The following PEX1 variants were observed in gnomAD, a reference collection of about 807,000 sequenced individuals.
PEX1 encodes the protein peroxisomal biogenesis factor 1.
PEX1 carries 97 observed loss-of-function variants against 152.5 expected under a neutral mutation model. The observed-to-expected ratio is 0.64, with a 90% CI of 0.54 to 0.75. The LOEUF (loss-of-function observed/expected upper bound fraction) is 0.75, where lower values mean the gene tolerates loss of function less well. PEX1 is among the 30% of genes least tolerant of loss of function. The probability of loss-of-function intolerance (pLI) is 0.00; values close to 1 mark genes in which losing one functional copy is unlikely to be tolerated. For synonymous variants in PEX1, 485 were observed against 531.6 expected (o/e 0.91, Z 1.21); for missense variants, 1,357 against 1,516.3 (o/e 0.89, Z 1.74).
Position 92,504,751 on chromosome 7 carries a change from C to A in PEX1, c.2052G>T (p.Gln684His). The A allele has an allele frequency of 6.2e-7, 1 of 1,614,166 alleles. No individual in the cohort carries two copies. The highest frequency in any genetic ancestry group is 8.5e-7 in the Non-Finnish European group (1 of 1,180,026). The change falls in exon 12 of 24, where the codon CAG becomes CAT. Residue 684 changes from glutamine (Q) to histidine (H), a missense_variant. Physicochemically the swap from Gln to His is conservative, Grantham distance 24. Coordinates refer to ENST00000248633, the MANE Select transcript of PEX1 (RefSeq NM_000466.3). ...ATTTACCATGAGCAAGCCGCTGGCT[C>A]TGCACCGCATCAGGACTGTGCTCAT... is the stretch of plus-strand genomic sequence containing the variant. ...PEHEHSPDAVQSQRLAHALND... is the reference protein window; with the variant it reads ...PEHEHSPDAVHSQRLAHALND...
At position 92,501,919 on chromosome 7, in the gene PEX1, A is replaced by G; in HGVS notation, c.2387T>C (p.Leu796Pro). Residue 796 changes from leucine (L) to proline (P), a missense_variant, in exon 14 of 24, where the codon CTC becomes CCC. Coordinates refer to ENST00000248633, the MANE Select transcript of PEX1 (RefSeq NM_000466.3). The stretch of plus-strand genomic sequence containing the variant: ...TCTGGTGGATATACTCTGACGAGAG[A>G]GTCGAGAATGTATGGCTCGATCCAC... Reference protein sequence around the residue: ...VLVDRAIHSRLSRQSISTREK... With the variant: ...VLVDRAIHSRPSRQSISTREK... 6.2e-7 allele frequency: 1 copy of G among 1,613,990 alleles called. No individual in the cohort carries two copies. The highest frequency in any genetic ancestry group is 8.5e-7 in the Non-Finnish European group (1 of 1,179,892).
Position 92,491,435 on chromosome 7 carries a change from C to T in PEX1, c.3275G>A (p.Gly1092Asp). 6 of 1,613,810 alleles carry T rather than the reference C, an allele frequency of 3.7e-6. No individual in the cohort carries two copies. Among genetic ancestry groups the T allele is most frequent in the Non-Finnish European group, 5.1e-6 (6 of 1,179,780 alleles). Residue 1092 changes from glycine (G) to aspartate (D), a missense_variant, in exon 21 of 24, where the codon GGC (glycine) becomes GAC (aspartate). Coordinates refer to ENST00000248633, the MANE Select transcript of PEX1 (RefSeq NM_000466.3). ...SSMVFLNHSS[G>D]SDDSAGDGEC... ...TCCATCTCCAGCTGAATCGTCAGAG[C>T]CACTGCTATGGTTAAGAAAGACCAT...
chr7:92,527,439 T>TC (rs1343906560), intron 1 of PEX1, among the ~76,000 whole-genome samples: 1 of 152,222 alleles, frequency 6.6e-6, no homozygotes, highest in Non-Finnish European at 1.5e-5. Context: ...ATAGGAGGAT[T>TC]CTGCTGAACT....
At chr7:92,511,501 G>T in intron 7 of PEX1, 79 bp downstream of exon 7, 2 of 1,056,174 alleles carry the variant, frequency 1.9e-6, no homozygotes, top group Non-Finnish European at 2.9e-6. Context: ...CTGTTCACAG[G>T]TATGACAGGT....
At chr7:92,522,384 C>A in intron 1 of PEX1, 139 bp from the exon 2 acceptor site, 1 of 840,172 alleles carries the variant, frequency 1.2e-6, no homozygotes, top group Non-Finnish European at 1.9e-6. Context: ...TTTGTTGTAG[C>A]ATTTAAAAAT....
In PEX1 at chr7:92,499,811, T is replaced by C. The variant is rs1243145516; in HGVS notation, c.2611A>G (p.Ile871Val). Residue 871 changes from isoleucine (I) to valine (V), a missense_variant, in exon 16 of 24, where the codon ATA becomes GTA. Ile to Val is a conservative substitution (Grantham distance 29). Coordinates refer to ENST00000248633, the MANE Select transcript of PEX1 (RefSeq NM_000466.3). Reference protein sequence around the residue: ...KYPELFANLPIRQRTGILLYG... With the variant: ...KYPELFANLPVRQRTGILLYG... The stretch of plus-strand genomic sequence containing the variant: ...AACAGTATTCCTGTTCTTTGTCGTA[T>C]GGGCAAGTTTGCAAATAATTCTGGA... The C allele has an allele frequency of 1.2e-6, 2 of 1,610,406 alleles. No homozygotes were observed. The highest frequency in any genetic ancestry group is 1.3e-5 in the African/African-American group (1 of 74,470).
Position 92,501,611 on chromosome 7 carries a change from G to A in PEX1, c.2479C>T (p.Arg827Ter), listed in dbSNP as rs1232449804. Reference sequence around the variant, plus strand: ...CTAGGTTTATGCAGGTTGACACTTCGCAAAGACGCAGGAAGAAATCCGCGG... The same window carrying A: ...CTAGGTTTATGCAGGTTGACACTTCACAAAGACGCAGGAAGAAATCCGCGG... ...ALRGFLPASL[R>*]SVNLHKPRDL... The change falls in exon 15 of 24, where the codon CGA becomes TGA. Residue 827 changes from arginine to a stop codon, truncating the protein, a stop_gained. Transcript: ENST00000248633. LOFTEE classifies it high-confidence loss of function. 8 of 1,613,664 alleles carry A rather than the reference G, an allele frequency of 5.0e-6. No homozygotes were observed. Among genetic ancestry groups the A allele is most frequent in the Non-Finnish European group, 6.8e-6 (8 of 1,179,636 alleles).
At chr7:92,502,205 GA>G in intron 13 of PEX1, 126 bp from the exon 14 acceptor site, 1 of 684,252 alleles carries the variant, frequency 1.5e-6, no homozygotes, top group Non-Finnish European at 2.5e-6. Context: ...GTTGTCTGGG[GA>G]TGGAGCAGGG....
At chr7:92,513,785 G>A in intron 6 of PEX1, 63 bp downstream of exon 6, 1 of 1,239,308 alleles carries the variant, frequency 8.1e-7, no homozygotes, top group Non-Finnish European at 1.2e-6. Context: ...CTTAGCTAAA[G>A]CAACTAGAAA....
At chr7:92,506,423 G>T in intron 10 of PEX1, 79 bp from the exon 11 acceptor site, 1 of 897,404 alleles carries the variant, frequency 1.1e-6, no homozygotes, top group Non-Finnish European at 1.9e-6. Context: ...CAACCACCAA[G>T]ATTCAGCCTC....
intron 15 of PEX1, 125 bp from the exon 16 acceptor site, chr7:92,499,963 A>G: frequency 2.8e-6 from 2 of 717,986 alleles, no homozygotes; most frequent in Non-Finnish European, 4.7e-6. Flanking sequence ...TTTCTTTAGT[A>G]ACAGCAAGTA....
intron 6 of PEX1, 123 bp from the exon 7 acceptor site, chr7:92,511,826 G>A (rs1792482574): frequency 1.1e-6 from 1 of 870,392 alleles, no homozygotes; most frequent in African/African-American, 1.7e-5. Flanking sequence ...AATGAAGGAT[G>A]TTCATGTTCT....
intron 5 of PEX1, among the ~76,000 whole-genome samples, chr7:92,515,823 G>A (rs1250971549): frequency 2.6e-5 from 4 of 151,592 alleles, no homozygotes; most frequent in African/African-American, 9.7e-5. Flanking sequence ...GTGAAACCTC[G>A]TCCCTACTAA....
chr7:92,507,243 A>G (rs929490808), intron 9 of PEX1, 117 bp from the exon 10 acceptor site: 1 of 897,938 alleles, frequency 1.1e-6, no homozygotes, highest in Non-Finnish European at 1.7e-6. Flanking sequence ...TTAATTTTTT[A>G]TCTTTTTTTT....
At chr7:92,491,683 T>A in intron 20 of PEX1, 181 bp from the exon 21 acceptor site, 1 of 575,726 alleles carries the variant, frequency 1.7e-6, no homozygotes, top group East Asian at 3.0e-5. Context: ...ATTAAAATTA[T>A]AAAGACAAGA....
At chr7:92,524,429 G>T (rs999391265) in intron 1 of PEX1, among the ~76,000 whole-genome samples, 1 of 151,804 alleles carries the variant, frequency 6.6e-6, no homozygotes, top group Non-Finnish European at 1.5e-5. Context: ...CAAATGCCCG[G>T]CTAATTTTTG....
In PEX1 at chr7:92,517,791, C is replaced by T. The variant is rs764044654; in HGVS notation, c.724G>A (p.Val242Ile). 2.0e-5 allele frequency: 32 copies of T among 1,567,930 alleles called. No individual in the cohort carries two copies. Among genetic ancestry groups the T allele is most frequent in the Non-Finnish European group, 2.3e-5 (27 of 1,160,226 alleles). The change falls in exon 5 of 24, where the codon GTA (valine) becomes ATA (isoleucine). Residue 242 changes from valine to isoleucine, a missense_variant. Val to Ile is a conservative substitution (Grantham distance 29, BLOSUM62 3). Transcript: ENST00000248633. The part of the protein sequence containing the change: ...ESEIPVDSSS[V>I]ASLWTMIGSI... ...CCTATCATAGTCCATAAACTTGCTA[C>T]TGATGATGAGTCAACTGGAATCTCT...
In PEX1 at chr7:92,517,560, G is replaced by A. The variant is rs2116244185; in HGVS notation, c.955C>T (p.Gln319Ter). Residue 319 changes from glutamine to a stop codon, truncating the protein, a stop_gained, in exon 5 of 24, where the codon CAG (glutamine) becomes TAG (stop). Transcript: ENST00000248633. LOFTEE classifies it high-confidence loss of function. ...HCAIHVFPWD[Q>*]EYFDVEPSFT... is the part of the protein sequence containing the mutation. ...CTGGGCTCTACATCAAAATATTCCT[G>A]GTCCCATGGAAATACATGAATGGCA... is the stretch of plus-strand genomic sequence containing the variant. 6.2e-7 allele frequency: 1 copy of A among 1,613,872 alleles called. No individual in the cohort carries two copies. Among genetic ancestry groups the A allele is most frequent in the Non-Finnish European group, 8.5e-7 (1 of 1,179,956 alleles).
intron 1 of PEX1, among the ~76,000 whole-genome samples, chr7:92,526,478 T>C (rs1319890704): frequency 1.3e-5 from 2 of 152,234 alleles, no homozygotes; most frequent in Admixed American, 1.3e-4. Context: ...GCTTTCATAA[T>C]TATCTATGGC....
Sources: allele counts gnomAD v4.1 joint callset (sites outside exome capture counted in the v4.1 genomes callset), GRCh38; gene constraint gnomAD v4.1.1; transcripts MANE v1.5; gene names NCBI Gene and HGNC (gene_info 2026-07-23, HGNC 2026-07-21).